Variants in AGBL1 observed in about 807,000 individuals in gnomAD.
AGBL1 encodes the protein AGBL carboxypeptidase 1.
A neutral mutation model predicts 118.9 loss-of-function variants in AGBL1; 130 were observed. That is an observed-to-expected ratio of 1.09 (90% CI 0.95 to 1.26). The LOEUF (loss-of-function observed/expected upper bound fraction) is 1.26, where lower values mean the gene tolerates loss of function less well. AGBL1 is among the 50% of genes most tolerant of loss of function. The pLI is 0.00. For synonymous variants in AGBL1, 555 were observed against 478.9 expected (o/e 1.16, Z -2.08); for missense variants, 1,584 against 1,298.1 (o/e 1.22, Z -3.38).
At chr15:86,361,452 G>A (rs1322118365) in intron 17 of AGBL1, among the ~76,000 whole-genome samples, 1 of 151,990 alleles carries the variant, frequency 6.6e-6, no homozygotes, top group East Asian at 1.9e-4. Context: ...GTATATTTCT[G>A]TTAGGTTCAT....
chr15:86,615,951 G>A lies in AGBL1; in HGVS notation c.2995-58322G>A, dbSNP rs924049760. ...GGAAATAAAAAAAAAATACTCCCAC[G>A]GAAGTGGAAGGTAAACCACAGAAGA... On this transcript the variant is annotated intron_variant, in intron 21 of 22. Coordinates refer to ENST00000614907, the MANE Select transcript of AGBL1 (RefSeq NM_001386094.1). The surrounding 1 kb of genome is among the most constrained non-coding windows in gnomAD (Gnocchi z 4.3). 5.9e-5 allele frequency among the ~76,000 whole-genome samples: 9 copies of A among 152,094 alleles called. No individual in the cohort carries two copies. The highest frequency in any genetic ancestry group is 1.7e-4 in the African/African-American group (7 of 41,408).
At chr15:86,468,503 G>A (rs1051794297) in intron 18 of AGBL1, among the ~76,000 whole-genome samples, 2 of 152,158 alleles carry the variant, frequency 1.3e-5, no homozygotes, top group Non-Finnish European at 2.9e-5. Context: ...CTTCCCCACA[G>A]AGGAGCTTGG....
chr15:86,509,134 G>A lies in AGBL1; in HGVS notation c.2556-13676G>A, dbSNP rs149756685. Among the ~76,000 whole-genome samples the A allele has an allele frequency of 2.0e-4, 30 of 152,174 alleles. 1 individual carries two copies. The Middle Eastern group carries it at 0.027, about 138-fold the overall frequency. On this transcript the variant is annotated intron_variant, in intron 18 of 22. Coordinates refer to ENST00000614907, the MANE Select transcript of AGBL1 (RefSeq NM_001386094.1). ...ACTTGAATGCACACAGCCAGAATCCGGTGACACGCACATACACTTTTCACC... is the reference window on the plus strand; with the variant it reads ...ACTTGAATGCACACAGCCAGAATCCAGTGACACGCACATACACTTTTCACC...
chr15:86,178,985 G>C (rs1466351935), intron 5 of AGBL1, among the ~76,000 whole-genome samples: 1 of 152,188 alleles, frequency 6.6e-6, no homozygotes, highest in African/African-American at 2.4e-5. Context: ...CAAAGCATGC[G>C]AAGGGTAGAG....
chr15:86,546,412 C>CATCTTAAT (rs1477349800), intron 20 of AGBL1, among the ~76,000 whole-genome samples: 1 of 152,054 alleles, frequency 6.6e-6, no homozygotes, highest in Non-Finnish European at 1.5e-5. Context: ...CAGAAGACCT[C>CATCTTAAT]ATCTTAATAC....
At chr15:86,087,685 C>A (rs564579543) in intron 1 of AGBL1, among the ~76,000 whole-genome samples, 23 of 152,266 alleles carry the variant, frequency 1.5e-4, no homozygotes, top group African/African-American at 5.5e-4. Flanking sequence ...CATTTTAAAG[C>A]TTTAAAATGG....
chr15:86,753,414 T>C (rs1019506783), intron 22 of AGBL1, among the ~76,000 whole-genome samples: 1 of 135,722 alleles, frequency 7.4e-6, no homozygotes, highest in African/African-American at 2.7e-5. Flanking sequence ...TTTTTTTTTT[T>C]TGAGACAGAG....
rs867118350 is a variant in AGBL1 at position 86,566,968 on chromosome 15, C to A, written c.2994+12431C>A. ...GGTAGACATGGTGCTCCTCATAGTT[C>A]CTACTTCATGGAGATGCTATAAAGA... On this transcript the variant is annotated intron_variant, in intron 21 of 22. Coordinates refer to ENST00000614907, the MANE Select transcript of AGBL1 (RefSeq NM_001386094.1). Among the ~76,000 whole-genome samples the A allele has an allele frequency of 3.3e-5, 5 of 152,088 alleles. No homozygotes were observed. The South Asian group carries it at 1.0e-3, about 32-fold the overall frequency.
intron 17 of AGBL1, among the ~76,000 whole-genome samples, chr15:86,380,080 G>C (rs1023303449): frequency 2.0e-5 from 3 of 152,094 alleles, no homozygotes; most frequent in African/African-American, 7.2e-5. Flanking sequence ...ATGTCGTTAG[G>C]CTTGTATTAA....
chr15:86,271,972 A>C (rs1312152750), intron 15 of AGBL1, among the ~76,000 whole-genome samples: 1 of 152,210 alleles, frequency 6.6e-6, no homozygotes, highest in Non-Finnish European at 1.5e-5. Context: ...TCTTGTTGTC[A>C]GATATTAGAA....
At chr15:86,253,281 C>T (rs1002864608) in intron 7 of AGBL1, among the ~76,000 whole-genome samples, 3 of 152,094 alleles carry the variant, frequency 2.0e-5, no homozygotes, top group Non-Finnish European at 4.4e-5. Flanking sequence ...GATGGAGTCT[C>T]GCTCTGTCAC....
intron 23 of AGBL1, among the ~76,000 whole-genome samples, chr15:86,943,211 A>G (rs1429385719): frequency 6.6e-6 from 1 of 152,202 alleles, no homozygotes; most frequent in East Asian, 1.9e-4. Flanking sequence ...CTATCTTGAA[A>G]CTACCTATCT....
chr15:86,943,325 A>G (rs1220250338), intron 23 of AGBL1, among the ~76,000 whole-genome samples: 1 of 152,218 alleles, frequency 6.6e-6, no homozygotes, highest in African/African-American at 2.4e-5. Flanking sequence ...AGACATGGAA[A>G]GAGATTACAA....
In AGBL1 at chr15:86,591,932, T is replaced by C. The variant is rs187504879; in HGVS notation, c.2994+37395T>C. On this transcript the variant is annotated intron_variant, in intron 21 of 22. Coordinates refer to ENST00000614907, the MANE Select transcript of AGBL1 (RefSeq NM_001386094.1). ...GCCAGTCACCAGTCAATAATTAACA[T>C]ACAAAACATCACTGTGGAGATTCTA... Among the ~76,000 whole-genome samples, 315 of 152,280 alleles carry C rather than the reference T, an allele frequency of 2.1e-3. 1 individual carries two copies. The highest frequency in any genetic ancestry group is 7.3e-3 in the African/African-American group (305 of 41,558).
intron 19 of AGBL1, among the ~76,000 whole-genome samples, chr15:86,539,093 C>CCATATAA (rs2083461389): frequency 6.6e-6 from 1 of 151,944 alleles, no homozygotes; most frequent in Non-Finnish European, 1.5e-5. Context: ...CCAATCCATA[C>CCATATAA]CTTCCTGATG....
chr15:86,748,811 G>C (rs1239272383), intron 22 of AGBL1, among the ~76,000 whole-genome samples: 3 of 152,002 alleles, frequency 2.0e-5, no homozygotes. Context: ...TCAAAGATCA[G>C]ATGGTTGTAG....
chr15:86,750,559 T>G (rs2077834542), intron 22 of AGBL1, among the ~76,000 whole-genome samples: 2 of 152,114 alleles, frequency 1.3e-5, no homozygotes, highest in Non-Finnish European at 2.9e-5. Context: ...TTCATTGGCA[T>G]TTTCCTTCTA....
rs923038519 is a variant in AGBL1 at position 86,637,194 on chromosome 15, T to C, written c.2995-37079T>C. On this transcript the variant is annotated intron_variant, in intron 21 of 22. Transcript: ENST00000614907. ...ACACAACACAGGACATACACAAATATGTAACCTATAAATTGTGATGTGTTA... is the reference window on the plus strand; with the variant it reads ...ACACAACACAGGACATACACAAATACGTAACCTATAAATTGTGATGTGTTA... Among the ~76,000 whole-genome samples, 7 of 152,160 alleles carry C rather than the reference T, an allele frequency of 4.6e-5. No individual in the cohort carries two copies. In the South Asian group the frequency reaches 6.2e-4, roughly 14 times the overall value.
intron 22 of AGBL1, among the ~76,000 whole-genome samples, chr15:86,835,744 G>T (rs976171188): frequency 2.0e-5 from 3 of 152,138 alleles, no homozygotes; most frequent in African/African-American, 7.2e-5. Flanking sequence ...GGATATAAAC[G>T]ACTATAGTAG....
Sources: allele counts gnomAD v4.1 joint callset (sites outside exome capture counted in the v4.1 genomes callset), GRCh38; gene constraint gnomAD v4.1.1; non-coding constraint Gnocchi (gnomAD v3.1); transcripts MANE v1.5; gene names NCBI Gene and HGNC (gene_info 2026-07-23, HGNC 2026-07-21).